The following CD276 variants were observed in gnomAD, a reference collection of about 807,000 sequenced individuals.
CD276 encodes CD276 molecule, also known as CD276 antigen.
In CD276, 34 loss-of-function variants were observed where a neutral mutation model predicts 50.0. The observed-to-expected ratio is 0.68, with a 90% CI of 0.52 to 0.91. The LOEUF is 0.91. Among genes scored for constraint, CD276 ranks in the 40% least tolerant of loss-of-function variants. The probability of loss-of-function intolerance (pLI) is 0.00; values close to 1 mark genes in which losing one functional copy is unlikely to be tolerated. For synonymous variants in CD276, 275 were observed against 313.0 expected (o/e 0.88, Z 1.28); for missense variants, 634 against 717.5 (o/e 0.88, Z 1.33).
At chr15:73,688,686 A>G (rs1899861500) in intron 1 of CD276, among the ~76,000 whole-genome samples, 1 of 152,198 alleles carries the variant, frequency 6.6e-6, no homozygotes. Context: ...CCAGATTTCC[A>G]TCTGTACAAT....
chr15:73,711,259 C>A, intron 9 of CD276, 89 bp downstream of exon 9: 1 of 1,402,246 alleles, frequency 7.1e-7, no homozygotes, highest in Non-Finnish European at 1.0e-6. Context: ...CATCCTTTCA[C>A]TAGTGACCTG....
Position 73,703,021 on chromosome 15 carries a change from G to C in CD276, c.668G>C (p.Arg223Pro). ...AATGGCACCTACAGCTGCCTGGTGC[G>C]CAACCCCGTGCTGCAGCAGGATGCG... ...GANGTYSCLVRNPVLQQDAHS... is the reference protein window; with the variant it reads ...GANGTYSCLVPNPVLQQDAHS... The change falls in exon 4 of 10, where the codon CGC (arginine) becomes CCC (proline). Residue 223 changes from arginine (R) to proline (P), a missense_variant. Physicochemically the swap from Arg to Pro is moderately radical, Grantham distance 103. Transcript: ENST00000318443. 1.2e-6 allele frequency: 2 copies of C among 1,613,748 alleles called. No homozygotes were observed. Among genetic ancestry groups the C allele is most frequent in the South Asian group, 1.1e-5 (1 of 91,014 alleles).
chr15:73,702,872 G>T lies in CD276; in HGVS notation c.519G>T (p.Glu173Asp), dbSNP rs532441600. ...GCTCCAGCTACCAGGGCTACCCTGA[G>T]GCTGAGGTGTTCTGGCAGGATGGGC... ...ITCSSYQGYPEAEVFWQDGQG... is the reference protein window; with the variant it reads ...ITCSSYQGYPDAEVFWQDGQG... Residue 173 changes from glutamate to aspartate, a missense_variant, in exon 4 of 10, where the codon GAG becomes GAT. By Grantham distance (45) the Glu-to-Asp change is conservative (BLOSUM62 2). Transcript: ENST00000318443. 6.8e-6 allele frequency: 11 copies of T among 1,614,152 alleles called. No individual in the cohort carries two copies. The African/African-American group carries it at 1.5e-4, about 22-fold the overall frequency.
chr15:73,695,568 T>C (rs182945035), intron 1 of CD276, among the ~76,000 whole-genome samples: 130 of 152,290 alleles, frequency 8.5e-4, no homozygotes, highest in Non-Finnish European at 1.4e-3. Flanking sequence ...CTTAGTTATC[T>C]CTCTGCCCCT....
intron 1 of CD276, among the ~76,000 whole-genome samples, chr15:73,686,517 C>A (rs927114283): frequency 6.6e-6 from 1 of 152,150 alleles, no homozygotes; most frequent in Non-Finnish European, 1.5e-5. Context: ...TCAAAGTAGT[C>A]CTCTGGGGTG....
chr15:73,714,341 G>A lies in CD276; in HGVS notation c.*1385G>A. ...GCAGTCTTTTCCTGGCTTGCCTCTG[G>A]CCAGCTCCTGGCCTCTGGTAGAGTG... On this transcript the variant is annotated 3_prime_UTR_variant, in exon 10 of 10. Transcript: ENST00000318443. 6.4e-6 allele frequency: 1 copy of A among 156,090 alleles called. No individual in the cohort carries two copies. The highest frequency in any genetic ancestry group is 1.4e-5 in the Non-Finnish European group (1 of 70,690). 9.7% of individuals were successfully genotyped at this position (156,090 alleles called of 1,614,324 possible).
intron 1 of CD276, among the ~76,000 whole-genome samples, chr15:73,696,921 A>G (rs1390873484): frequency 2.0e-5 from 3 of 152,078 alleles, no homozygotes; most frequent in Non-Finnish European, 4.4e-5. Flanking sequence ...GTGATGGGTC[A>G]GGGTGGGAGA....
At position 73,704,410 on chromosome 15, in the gene CD276, A is replaced by C. The variant is rs751434468; in HGVS notation, c.1307A>C (p.Tyr436Ser). 9 of 1,614,016 alleles carry C rather than the reference A, an allele frequency of 5.6e-6. No individual in the cohort carries two copies. Among genetic ancestry groups the C allele is most frequent in the Non-Finnish European group, 7.6e-6 (9 of 1,180,020 alleles). Residue 436 changes from tyrosine (Y) to serine (S), a missense_variant, in exon 6 of 10, where the codon TAC (tyrosine) becomes TCC (serine). By Grantham distance (144) the Tyr-to-Ser change is moderately radical (BLOSUM62 -2). Coordinates refer to ENST00000318443, the MANE Select transcript of CD276 (RefSeq NM_001024736.2). The surrounding 1 kb of genome is among the most constrained non-coding windows in gnomAD (Gnocchi z 4.1). ...LRVVLGANGT[Y>S]SCLVRNPVLQ... ...GTGGTGCTGGGTGCGAATGGCACCT[A>C]CAGCTGCCTGGTGCGCAACCCCGTG...
At chr15:73,689,231 C>T (rs1223061191) in intron 1 of CD276, among the ~76,000 whole-genome samples, 3 of 113,470 alleles carry the variant, frequency 2.6e-5, no homozygotes, top group African/African-American at 6.9e-5. Flanking sequence ...TGTGTGTGTA[C>T]ACATTTCCAC....
chr15:73,710,563 C>T (rs899522392), intron 8 of CD276, among the ~76,000 whole-genome samples: 3 of 152,218 alleles, frequency 2.0e-5, no homozygotes, highest in Admixed American at 6.5e-5. Context: ...TCCCCACCCC[C>T]GCAGAAGGAA....
In CD276 at chr15:73,713,090, T is replaced by C. The variant is rs1181939111; in HGVS notation, c.*134T>C. ...TGGGCTCCTTCTCCAAAGGATGCGA[T>C]ACACAGACCACTGTGCAGCCTTATT... On this transcript the variant is annotated 3_prime_UTR_variant, in exon 10 of 10. Coordinates refer to ENST00000318443, the MANE Select transcript of CD276 (RefSeq NM_001024736.2). 2.8e-6 allele frequency: 2 copies of C among 713,170 alleles called. No individual in the cohort carries two copies. The highest frequency in any genetic ancestry group is 1.9e-5 in the South Asian group (1 of 51,742). 44.2% of individuals were successfully genotyped at this position (713,170 alleles called of 1,614,324 possible).
At chr15:73,708,244 G>A in intron 6 of CD276, 95 bp from the exon 7 acceptor site, 2 of 1,386,092 alleles carry the variant, frequency 1.4e-6, no homozygotes, top group South Asian at 2.6e-5. Context: ...CCCAGTGAGG[G>A]TGGGAGCCCC....
At chr15:73,701,974 C>G (rs1452984510) in intron 2 of CD276, among the ~76,000 whole-genome samples, 1 of 152,236 alleles carries the variant, frequency 6.6e-6, no homozygotes, top group African/African-American at 2.4e-5. Context: ...TGACGAGAAT[C>G]TGTGTGCCCA....
In CD276 at chr15:73,704,182, A is replaced by G. The variant is rs1267630227; in HGVS notation, c.1079A>G (p.Tyr360Cys). The G allele has an allele frequency of 2.5e-6, 4 of 1,611,262 alleles. No individual in the cohort carries two copies. The highest frequency in any genetic ancestry group is 1.3e-5 in the African/African-American group (1 of 74,818). ...TGCCCTCTGTCACCTCCAGCTCCCT[A>G]CTCGAAGCCCAGCATGACCCTGGAG... ...AAVSLQVAAP[Y>C]SKPSMTLEPN... Residue 360 changes from tyrosine (Y) to cysteine (C), a missense_variant, in exon 6 of 10, where the codon TAC becomes TGC. Tyr to Cys is a radical substitution (Grantham distance 194). Coordinates refer to ENST00000318443, the MANE Select transcript of CD276 (RefSeq NM_001024736.2). This position sits in a 1 kb window ranked among gnomAD's most constrained non-coding sequence, Gnocchi z 4.1.
chr15:73,703,221 CG>C, intron 4 of CD276, 135 bp downstream of exon 4: 1 of 1,096,440 alleles, frequency 9.1e-7, no homozygotes, highest in Non-Finnish European at 1.3e-6. Context: ...AGAAAGATAA[CG>C]GGGAGGTGGG....
chr15:73,698,543 T>C (rs1490870048), intron 1 of CD276, among the ~76,000 whole-genome samples: 2 of 152,176 alleles, frequency 1.3e-5, no homozygotes, highest in African/African-American at 4.8e-5. Context: ...CCTACAGGGA[T>C]GGCTATATTA....
At position 73,702,487 on chromosome 15, in the gene CD276, C is replaced by T. The variant is rs140582080; in HGVS notation, c.312C>T (p.Asn104=). Residue 104 remains asparagine (N), a synonymous_variant, in exon 3 of 10, where the codon AAC becomes AAT. Transcript: ENST00000318443. The part of the protein sequence containing the change: ...ALFPDLLAQG[N]ASLRLQRVRV... ...TCCCGGACCTGCTGGCACAGGGCAA[C>T]GCATCCCTGAGGCTGCAGCGCGTGC... 2.0e-5 allele frequency: 32 copies of T among 1,613,466 alleles called. No individual in the cohort carries two copies. The highest frequency in any genetic ancestry group is 3.3e-5 in the South Asian group (3 of 91,076).
In CD276 at chr15:73,708,477, AGTGT is replaced by A. The variant is rs145286416; in HGVS notation, c.1504+11_1504+14del. On this transcript the variant is annotated splice_donor_5th_base_variant and intron_variant, in intron 7 of 9. Coordinates refer to ENST00000318443, the MANE Select transcript of CD276 (RefSeq NM_001024736.2). Reference sequence around the variant, plus strand: ...AGCTGTGAGGAGGAGAATGCAGGTGAGTGTGTGTGTATGTGTGTGCGTGCGCATG... The same window carrying A: ...AGCTGTGAGGAGGAGAATGCAGGTGAGTGTGTATGTGTGTGCGTGCGCATG... 5.1e-4 allele frequency: 822 copies of A among 1,611,134 alleles called. 4 individuals are homozygous for A. In the East Asian group the frequency reaches 0.013, roughly 26 times the overall value.
chr15:73,708,444 T>G lies in CD276; in HGVS notation c.1475T>G (p.Ile492Ser). The G allele has an allele frequency of 6.2e-7, 1 of 1,613,898 alleles. No homozygotes were observed. The highest frequency in any genetic ancestry group is 1.1e-5 in the South Asian group (1 of 90,994). ...VALAFVCWRKIKQSCEEENAG... is the reference protein window; with the variant it reads ...VALAFVCWRKSKQSCEEENAG... ...CTGGCTTTCGTGTGCTGGAGAAAGA[T>G]CAAACAGAGCTGTGAGGAGGAGAAT... is the stretch of plus-strand genomic sequence containing the variant. Residue 492 changes from isoleucine (I) to serine (S), a missense_variant, in exon 7 of 10, where the codon ATC becomes AGC. Ile to Ser is a moderately radical substitution (Grantham distance 142). Transcript: ENST00000318443.
Sources: allele counts gnomAD v4.1 joint callset (sites outside exome capture counted in the v4.1 genomes callset), GRCh38; gene constraint gnomAD v4.1.1; non-coding constraint Gnocchi (gnomAD v3.1); transcripts MANE v1.5; gene names NCBI Gene and HGNC (gene_info 2026-07-23, HGNC 2026-07-21).